The following FER1L6 variants were observed in gnomAD, a reference collection of about 807,000 sequenced individuals.
The protein encoded by FER1L6 is fer-1 like family member 6, also known as fer-1-like protein 6.
Under a neutral mutation model 219.2 loss-of-function variants are expected in FER1L6, and 177 were observed. That is an observed-to-expected ratio of 0.81 (90% CI 0.71 to 0.91). FER1L6 has a LOEUF of 0.91. Among genes scored for constraint, FER1L6 ranks in the 40% least tolerant of loss-of-function variants. The probability of loss-of-function intolerance (pLI) is 0.00; values close to 1 mark genes in which losing one functional copy is unlikely to be tolerated. For synonymous variants in FER1L6, 768 were observed against 824.3 expected (o/e 0.93, Z 1.17); for missense variants, 2,153 against 2,259.9 (o/e 0.95, Z 0.96).
chr8:123,938,859 C>T (rs1814111494), intron 1 of FER1L6, among the ~76,000 whole-genome samples: 1 of 152,118 alleles, frequency 6.6e-6, no homozygotes, highest in African/African-American at 2.4e-5. Flanking sequence ...TTACCTGTCT[C>T]TTGAGATGAC....
chr8:123,869,801 A>C (rs1816896203), intron 1 of FER1L6, among the ~76,000 whole-genome samples: 1 of 152,386 alleles, frequency 6.6e-6, no homozygotes, highest in South Asian at 2.1e-4. Context: ...ATATAAAGTG[A>C]CAGTAATGAA....
At chr8:124,049,972 AAATATTCTTGC>A (rs1819932743) in intron 22 of FER1L6, among the ~76,000 whole-genome samples, 1 of 152,216 alleles carries the variant, frequency 6.6e-6, no homozygotes, top group African/African-American at 2.4e-5. Context: ...TCTCAGGATG[AAATATTCTTGC>A]GGGTTTGGCC....
intron 22 of FER1L6, among the ~76,000 whole-genome samples, chr8:124,053,496 T>A (rs577404320): frequency 6.6e-6 from 1 of 152,226 alleles, no homozygotes; most frequent in South Asian, 2.1e-4. Context: ...ATCTCATACA[T>A]ACTGAGAAGA....
intron 20 of FER1L6, chr8:124,040,773 CTCT>C (rs1451544389): frequency 2.0e-5 from 3 of 152,274 alleles, no homozygotes; most frequent in Admixed American, 2.0e-4. Context: ...GCCTCTCTTC[CTCT>C]TCTTCTGAAG....
At position 123,962,718 on chromosome 8, in the gene FER1L6, G is replaced by A. The variant is rs113844603; in HGVS notation, c.77-560G>A. On this transcript the variant is annotated intron_variant, in intron 2 of 40. Coordinates refer to ENST00000522917, the MANE Select transcript of FER1L6 (RefSeq NM_001039112.2). Reference sequence around the variant, plus strand: ...TCAGCTTAGCTGCAACATCTGTCCCGCTGGGTTCAAGCGTTGCTCCTGCCT... The same window carrying A: ...TCAGCTTAGCTGCAACATCTGTCCCACTGGGTTCAAGCGTTGCTCCTGCCT... 2.5e-3 allele frequency among the ~76,000 whole-genome samples: 380 copies of A among 152,208 alleles called. 1 individual carries two copies. Among genetic ancestry groups the A allele is most frequent in the African/African-American group, 8.7e-3 (361 of 41,526 alleles).
intron 1 of FER1L6, among the ~76,000 whole-genome samples, chr8:123,942,776 T>C (rs1814294492): frequency 6.6e-6 from 1 of 152,208 alleles, no homozygotes; most frequent in Non-Finnish European, 1.5e-5. Flanking sequence ...AAAGATTCTT[T>C]TTGTAAATAA....
At chr8:124,061,733 C>A in intron 24 of FER1L6, 119 bp from the exon 25 acceptor site, 1 of 927,610 alleles carries the variant, frequency 1.1e-6, no homozygotes, top group Non-Finnish European at 1.6e-6. Context: ...ATCTGCAGGA[C>A]TGGCCAGGAG....
intron 1 of FER1L6, among the ~76,000 whole-genome samples, chr8:123,895,330 G>T (rs1812725822): frequency 6.6e-6 from 1 of 152,216 alleles, no homozygotes; most frequent in African/African-American, 2.4e-5. Flanking sequence ...TCTGGACCAG[G>T]TCTTTTGGCT....
rs117197853 is a variant in FER1L6 at position 124,025,258 on chromosome 8, T to A, written c.2286+1662T>A. On this transcript the variant is annotated intron_variant, in intron 18 of 40. Coordinates refer to ENST00000522917, the MANE Select transcript of FER1L6 (RefSeq NM_001039112.2). ...TTTTGGTGTCTTAGTCATAAATTCT[T>A]TGCCAGAAGAGTTTTTTTCTAGGTT... is the stretch of plus-strand genomic sequence containing the variant. Among the ~76,000 whole-genome samples the A allele has an allele frequency of 1.3e-3, 203 of 152,220 alleles. 1 individual carries two copies. In the East Asian group the frequency reaches 0.014, roughly 11 times the overall value.
chr8:123,911,670 C>G (rs1813049006), intron 1 of FER1L6, among the ~76,000 whole-genome samples: 1 of 152,114 alleles, frequency 6.6e-6, no homozygotes, highest in African/African-American at 2.4e-5. Context: ...ATTGCCTAAT[C>G]TAGGCCCTTC....
chr8:124,098,395 G>A (rs1822401337), intron 37 of FER1L6, among the ~76,000 whole-genome samples: 1 of 152,064 alleles, frequency 6.6e-6, no homozygotes. Flanking sequence ...AGGTGGTATA[G>A]CATCAGAAAA....
At chr8:123,928,325 T>C (rs1813642365) in intron 1 of FER1L6, among the ~76,000 whole-genome samples, 1 of 152,220 alleles carries the variant, frequency 6.6e-6, no homozygotes, top group African/African-American at 2.4e-5. Flanking sequence ...AATTTAAACT[T>C]GCTCCTAGCT....
intron 12 of FER1L6, among the ~76,000 whole-genome samples, chr8:123,996,036 A>C (rs756756398): frequency 5.9e-5 from 9 of 152,128 alleles, no homozygotes; most frequent in Non-Finnish European, 1.3e-4. Flanking sequence ...ATATAATTTT[A>C]ATTGTTTTGA....
intron 1 of FER1L6, among the ~76,000 whole-genome samples, chr8:123,952,734 T>A (rs1814827232): frequency 6.6e-6 from 1 of 152,146 alleles, no homozygotes; most frequent in South Asian, 2.1e-4. Context: ...AAGCATAACA[T>A]CATCTTCCTC....
At chr8:123,882,003 T>A (rs1817118332) in intron 1 of FER1L6, among the ~76,000 whole-genome samples, 1 of 152,248 alleles carries the variant, frequency 6.6e-6, no homozygotes. Flanking sequence ...ACTTTTGAAC[T>A]ACTGCATTAT....
intron 1 of FER1L6, among the ~76,000 whole-genome samples, chr8:123,949,698 T>C (rs1018026185): frequency 6.6e-6 from 1 of 152,150 alleles, no homozygotes; most frequent in Non-Finnish European, 1.5e-5. Context: ...TACTTCCACT[T>C]GCACATCAGA....
chr8:124,033,715 G>A (rs981695369), intron 18 of FER1L6, among the ~76,000 whole-genome samples: 5 of 152,148 alleles, frequency 3.3e-5, no homozygotes, highest in Non-Finnish European at 7.3e-5. Flanking sequence ...CTAAATCTTT[G>A]TTCACATGCT....
At chr8:124,018,665 CT>C (rs540264983) in intron 16 of FER1L6, among the ~76,000 whole-genome samples, 7 of 152,130 alleles carry the variant, frequency 4.6e-5, no homozygotes, top group South Asian at 2.1e-4. Flanking sequence ...ATTTCAATAT[CT>C]TTTTTTAGTG....
At chr8:123,971,131 C>T (rs1815791434) in intron 6 of FER1L6, among the ~76,000 whole-genome samples, 1 of 152,164 alleles carries the variant, frequency 6.6e-6, no homozygotes, top group Non-Finnish European at 1.5e-5. Flanking sequence ...TCTTCCCTGT[C>T]TTTATCACTG....
Sources: allele counts gnomAD v4.1 joint callset (sites outside exome capture counted in the v4.1 genomes callset), GRCh38; gene constraint gnomAD v4.1.1; transcripts MANE v1.5; gene names NCBI Gene and HGNC (gene_info 2026-07-23, HGNC 2026-07-21).